The following CEP63 variants were observed in gnomAD, a reference collection of about 807,000 sequenced individuals.
The protein encoded by CEP63 is centrosomal protein of 63 kDa.
A neutral mutation model predicts 89.1 loss-of-function variants in CEP63; 84 were observed. That is an observed-to-expected ratio of 0.94 (90% CI 0.79 to 1.13). CEP63 has a LOEUF of 1.13. CEP63 is among the 50% of genes most tolerant of loss of function. CEP63 has a pLI of 0.00. For synonymous variants in CEP63, 267 were observed against 272.5 expected (o/e 0.98, Z 0.20); for missense variants, 838 against 813.3 (o/e 1.03, Z -0.37).
intron 12 of CEP63, among the ~76,000 whole-genome samples, chr3:134,557,386 T>TG (rs1249703857): frequency 1.8e-5 from 2 of 113,372 alleles, no homozygotes; most frequent in African/African-American, 5.8e-5. Flanking sequence ...GTTTTTTTTT[T>TG]TTTTTTTTTT....
In CEP63 at chr3:134,559,408, C is replaced by A; in HGVS notation, c.1932C>A (p.Asp644Glu). The change falls in exon 14 of 15, where the codon GAC (aspartate) becomes GAA (glutamate). Residue 644 changes from aspartate (D) to glutamate (E), a missense_variant. Transcript: ENST00000675561. ...FSDTMSESMN[D>E]QEEFISSCSL... ...ACACTATGTCTGAGAGTATGAATGA[C>A]CAAGAAGAGTTTATATCTTCGGTAT... The A allele has an allele frequency of 6.2e-7, 1 of 1,613,578 alleles. No homozygotes were observed. The highest frequency in any genetic ancestry group is 8.5e-7 in the Non-Finnish European group (1 of 1,179,584).
intron 3 of CEP63, among the ~76,000 whole-genome samples, chr3:134,519,033 C>T (rs1272581556): frequency 1.3e-5 from 2 of 151,616 alleles, no homozygotes; most frequent in Non-Finnish European, 2.9e-5. Context: ...CACCCCCCCA[C>T]CACAGTAAAA....
chr3:134,732,084 G>A, the CEP63 span, among the ~76,000 whole-genome samples: 1,097 of 152,140 alleles, frequency 7.2e-3, 11 homozygotes, highest in African/African-American at 0.024. Context: ...AGTTAGAGAA[G>A]AAAAATACTG....
At chr3:134,577,525 C>A (rs138237557), downstream of CEP63, among the ~76,000 whole-genome samples, 163 of 136,196 alleles carry the variant, frequency 1.2e-3, 3 homozygotes, top group East Asian at 0.03. Flanking sequence ...CTCCCGAGTT[C>A]AAGCAATTCT....
chr3:134,580,364 GT>G (rs1295515143), intron 10 of CEP63, among the ~76,000 whole-genome samples: 1 of 149,262 alleles, frequency 6.7e-6, no homozygotes, highest in Non-Finnish European at 1.5e-5. Context: ...CTGGATTGTG[GT>G]GATGGCTGTA....
At chr3:134,540,554 A>T (rs1951788589) in intron 6 of CEP63, among the ~76,000 whole-genome samples, 1 of 152,044 alleles carries the variant, frequency 6.6e-6, no homozygotes, top group South Asian at 2.1e-4. Context: ...CCATTTCCTC[A>T]TACTTTCCCC....
chr3:134,689,413 A>G, the CEP63 span, among the ~76,000 whole-genome samples: 1 of 151,284 alleles, frequency 6.6e-6, no homozygotes, highest in Non-Finnish European at 1.5e-5. Context: ...TTCACAAACT[A>G]TGGTTTGTAA....
chr3:134,691,262 C>A, the CEP63 span, among the ~76,000 whole-genome samples: 3 of 151,762 alleles, frequency 2.0e-5, no homozygotes. Context: ...GGAGGCTGAG[C>A]TGGGAGGATC....
chr3:134,706,860 C>T, the CEP63 span, among the ~76,000 whole-genome samples: 5 of 152,186 alleles, frequency 3.3e-5, no homozygotes, highest in Admixed American at 3.3e-4. Flanking sequence ...CCTGCATTCT[C>T]TACCTGTCTC....
In CEP63 at chr3:134,563,507, C is replaced by T. The variant is rs1045759093; in HGVS notation, c.*1972C>T. On this transcript the variant is annotated 3_prime_UTR_variant, in exon 15 of 15. Transcript: ENST00000675561. ...GCAGGATCTCGGCTCTCTGCAACCT[C>T]CACCTCCCGGGCTCAAGTGATTCTC... The T allele has an allele frequency of 6.6e-6, 1 of 152,208 alleles. No homozygotes were observed. The highest frequency in any genetic ancestry group is 2.4e-5 in the African/African-American group (1 of 41,408). The allele number at this position is 152,208 out of a possible 1,614,324, so 9.4% of individuals were successfully genotyped here.
downstream of CEP63, among the ~76,000 whole-genome samples, chr3:134,578,334 T>TTTTTTG (rs1553798186): frequency 3.4e-3 from 82 of 24,014 alleles, 3 homozygotes; most frequent in African/African-American, 7.9e-3. Flanking sequence ...TTTTTTTTTT[T>TTTTTTG]TTTTTTTTTT....
At chr3:134,612,751 CTGTGTGTGTGTGTG>C in the CEP63 span, among the ~76,000 whole-genome samples, 34 of 125,486 alleles carry the variant, frequency 2.7e-4, no homozygotes, top group Middle Eastern at 7.7e-3. Context: ...CACGCCGATG[CTGTGTGTGTGTGTG>C]TGTGTGTGTG....
intron 10 of CEP63, among the ~76,000 whole-genome samples, chr3:134,587,232 G>A (rs542796535): frequency 9.2e-4 from 139 of 151,212 alleles, no homozygotes; most frequent in African/African-American, 3.0e-3. Flanking sequence ...GTTTTTTTCC[G>A]TTGCTGGCGA....
chr3:134,496,435 G>T (rs1046183032), intron 2 of CEP63, among the ~76,000 whole-genome samples: 6 of 149,228 alleles, frequency 4.0e-5, no homozygotes, highest in African/African-American at 9.9e-5. Flanking sequence ...AAAAAAAGGG[G>T]GGGGGGGCTA....
chr3:134,673,898 C>T, the CEP63 span, among the ~76,000 whole-genome samples: 2 of 152,204 alleles, frequency 1.3e-5, no homozygotes, highest in African/African-American at 4.8e-5. Flanking sequence ...AATCACTCTT[C>T]CGGTAAAACA....
At chr3:134,727,643 A>G in the CEP63 span, among the ~76,000 whole-genome samples, 1 of 152,246 alleles carries the variant, frequency 6.6e-6, no homozygotes, top group Non-Finnish European at 1.5e-5. Flanking sequence ...AAGTCAATCT[A>G]TAGACTTCTT....
At chr3:134,726,900 C>T in the CEP63 span, among the ~76,000 whole-genome samples, 1 of 152,162 alleles carries the variant, frequency 6.6e-6, no homozygotes, top group East Asian at 1.9e-4. Flanking sequence ...CTGTTCCAGC[C>T]TGGCTGCAGT....
chr3:134,704,120 A>G, the CEP63 span, among the ~76,000 whole-genome samples: 23 of 152,212 alleles, frequency 1.5e-4, no homozygotes, highest in African/African-American at 5.5e-4. Context: ...CAGGCCAGGA[A>G]GATTTTGTCT....
chr3:134,688,936 G>T, the CEP63 span, among the ~76,000 whole-genome samples: 1 of 152,336 alleles, frequency 6.6e-6, no homozygotes, highest in South Asian at 2.1e-4. Context: ...TGGGGCTGGG[G>T]TTAGCTTCTG....
Sources: gnomAD v4.1 joint callset for allele counts (sites outside exome capture counted in the v4.1 genomes callset) on GRCh38, gnomAD v4.1.1 for gene constraint, MANE v1.5 for transcripts, NCBI Gene and HGNC (gene_info 2026-07-23, HGNC 2026-07-21) for gene names.